TMEM38B: variants seen among roughly 807,000 people sequenced by gnomAD.
The protein encoded by TMEM38B is trimeric intracellular cation channel type B.
A neutral mutation model predicts 28.7 loss-of-function variants in TMEM38B; 24 were observed. The observed-to-expected ratio is 0.84, with a 90% CI of 0.61 to 1.18. TMEM38B has a LOEUF of 1.18. TMEM38B is among the 50% of genes most tolerant of loss of function. The pLI is 0.00. For synonymous variants in TMEM38B, 131 were observed against 127.7 expected (o/e 1.03, Z -0.17); for missense variants, 380 against 350.9 (o/e 1.08, Z -0.66).
intron 5 of TMEM38B, among the ~76,000 whole-genome samples, chr9:105,769,181 A>G (rs991181448): frequency 2.6e-5 from 4 of 152,050 alleles, no homozygotes; most frequent in African/African-American, 9.7e-5. Context: ...TCAACAGACA[A>G]TTCACACAGA....
At chr9:105,730,939 A>G (rs576918085) in intron 4 of TMEM38B, among the ~76,000 whole-genome samples, 2 of 152,040 alleles carry the variant, frequency 1.3e-5, no homozygotes, top group African/African-American at 2.4e-5. Context: ...TATTGCGTCT[A>G]TTTGATTCTT....
intron 2 of TMEM38B, among the ~76,000 whole-genome samples, chr9:105,708,847 T>A (rs1245233325): frequency 7.5e-6 from 1 of 133,026 alleles, no homozygotes; most frequent in Admixed American, 7.7e-5. Flanking sequence ...CAACATGTTA[T>A]CTGTTGATTT....
At chr9:105,714,745 A>ACCTG (rs1242531696) in intron 2 of TMEM38B, among the ~76,000 whole-genome samples, 2 of 152,156 alleles carry the variant, frequency 1.3e-5, no homozygotes, top group Non-Finnish European at 2.9e-5. Context: ...TTTACTTTCT[A>ACCTG]CCTGGTGTTG....
chr9:105,703,914 ATTTG>A (rs1338088390), intron 1 of TMEM38B, among the ~76,000 whole-genome samples: 1 of 152,042 alleles, frequency 6.6e-6, no homozygotes, highest in African/African-American at 2.4e-5. Context: ...TTTCTTGTAA[ATTTG>A]TTTGAGTTCA....
chr9:105,694,687 T>G lies in TMEM38B; in HGVS notation c.27T>G (p.Ala9=). The G allele has an allele frequency of 6.2e-7, 1 of 1,613,988 alleles. No individual in the cohort carries two copies. Among genetic ancestry groups the G allele is most frequent in the Non-Finnish European group, 8.5e-7 (1 of 1,179,884 alleles). The change falls in exon 1 of 6, where the codon GCT becomes GCG. Residue 9 remains alanine, a synonymous_variant. Coordinates refer to ENST00000374692, the MANE Select transcript of TMEM38B (RefSeq NM_018112.3). ...TGGATTCTCCATGGGACGAGTTGGCTCTGGCCTTCTCCCGCACGTCCATGT... is the reference window on the plus strand; with the variant it reads ...TGGATTCTCCATGGGACGAGTTGGCGCTGGCCTTCTCCCGCACGTCCATGT... MDSPWDEL[A]LAFSRTSMFP...
chr9:105,776,557 G>A lies in TMEM38B; in HGVS notation c.*2477G>A, dbSNP rs1417635277. The A allele has an allele frequency of 6.6e-6, 1 of 152,110 alleles. No homozygotes were observed. The highest frequency in any genetic ancestry group is 1.5e-5 in the Non-Finnish European group (1 of 68,012). The allele number at this position is 152,110 out of a possible 1,614,324, so 9.4% of individuals were successfully genotyped here. ...AGTGGAACATCCCATGTTGTAAATG[G>A]AATAATGTGTTCAGAATGCTCTTTC... On this transcript the variant is annotated 3_prime_UTR_variant, in exon 6 of 6. Transcript: ENST00000374692.
At chr9:105,700,433 T>G (rs1835426526) in intron 1 of TMEM38B, among the ~76,000 whole-genome samples, 1 of 152,194 alleles carries the variant, frequency 6.6e-6, no homozygotes, top group Non-Finnish European at 1.5e-5. Flanking sequence ...AGATGAGGAA[T>G]AGTTTTAAGG....
chr9:105,758,279 C>T (rs746788718), intron 5 of TMEM38B: 154 of 686,018 alleles, frequency 2.2e-4, no homozygotes, highest in Middle Eastern at 7.9e-4. Context: ...GGCTCACAGA[C>T]GTTAAATCCT....
At chr9:105,772,733 G>A (rs568916095) in intron 5 of TMEM38B, among the ~76,000 whole-genome samples, 5 of 152,076 alleles carry the variant, frequency 3.3e-5, no homozygotes, top group South Asian at 4.2e-4. Context: ...TTTCAGTGAC[G>A]TTTAGTACTC....
chr9:105,739,678 C>A (rs148330419), intron 4 of TMEM38B, among the ~76,000 whole-genome samples: 342 of 151,960 alleles, frequency 2.3e-3, no homozygotes, highest in African/African-American at 7.9e-3. Flanking sequence ...GCAGGTGCCA[C>A]CACGCCAGTC....
At chr9:105,750,639 A>T (rs1564410262) in intron 5 of TMEM38B, among the ~76,000 whole-genome samples, 1 of 151,786 alleles carries the variant, frequency 6.6e-6, no homozygotes, top group East Asian at 1.9e-4. Context: ...AAAAACACAC[A>T]TTTTTTTTAT....
At chr9:105,758,229 G>A in intron 5 of TMEM38B, 1 of 661,560 alleles carries the variant, frequency 1.5e-6, no homozygotes, top group Non-Finnish European at 2.7e-6. Context: ...CTTCAGGCGG[G>A]CATGTATTAT....
intron 2 of TMEM38B, among the ~76,000 whole-genome samples, chr9:105,713,747 C>T (rs148347329): frequency 6.6e-4 from 101 of 152,304 alleles, no homozygotes; most frequent in African/African-American, 2.0e-3. Flanking sequence ...CCACCAGAGG[C>T]GGAACTCATA....
chr9:105,743,835 A>G (rs1425879178), intron 4 of TMEM38B, among the ~76,000 whole-genome samples: 1 of 152,180 alleles, frequency 6.6e-6, no homozygotes, highest in Non-Finnish European at 1.5e-5. Flanking sequence ...AAGGTTTTTA[A>G]AGACTAATTC....
At chr9:105,734,898 A>G (rs1345111735) in intron 4 of TMEM38B, among the ~76,000 whole-genome samples, 2 of 146,970 alleles carry the variant, frequency 1.4e-5, no homozygotes, top group East Asian at 2.0e-4. Context: ...CAACCATTAT[A>G]TATCTTTTTT....
At position 105,774,080 on chromosome 9, in the gene TMEM38B, A is replaced by G; in HGVS notation, c.876A>G (p.Ter292=). The G allele has an allele frequency of 6.2e-7, 1 of 1,613,068 alleles. No homozygotes were observed. Among genetic ancestry groups the G allele is most frequent in the Non-Finnish European group, 8.5e-7 (1 of 1,179,452 alleles). ...AGAAACATACTAAGAAGAATGAATAAATTTACGTGATGAGCTCTACAAGGC... is the reference window on the plus strand; with the variant it reads ...AGAAACATACTAAGAAGAATGAATAGATTTACGTGATGAGCTCTACAAGGC... ...VKKKHTKKNE[*] The change falls in exon 6 of 6, where the codon TAA becomes TAG. Residue 292 remains the stop codon, a stop_retained_variant. Coordinates refer to ENST00000374692, the MANE Select transcript of TMEM38B (RefSeq NM_018112.3).
At chr9:105,730,090 C>G (rs1186733368) in intron 4 of TMEM38B, among the ~76,000 whole-genome samples, 1 of 151,916 alleles carries the variant, frequency 6.6e-6, no homozygotes, top group African/African-American at 2.4e-5. Flanking sequence ...TCCTTTTTGC[C>G]CTGGCCAGAC....
At chr9:105,737,748 A>T (rs1295971622) in intron 4 of TMEM38B, among the ~76,000 whole-genome samples, 1 of 152,154 alleles carries the variant, frequency 6.6e-6, no homozygotes, top group African/African-American at 2.4e-5. Flanking sequence ...AGACCAGTGC[A>T]CAGGTTCCCT....
intron 1 of TMEM38B, 127 bp from the exon 2 acceptor site, chr9:105,705,470 A>G: frequency 1.1e-6 from 1 of 890,066 alleles, no homozygotes; most frequent in East Asian, 2.6e-5. Flanking sequence ...TGACTGGCAC[A>G]CCTATGAATA....
Sources: gnomAD v4.1 joint callset for allele counts (sites outside exome capture counted in the v4.1 genomes callset) on GRCh38, gnomAD v4.1.1 for gene constraint, MANE v1.5 for transcripts, NCBI Gene and HGNC (gene_info 2026-07-23, HGNC 2026-07-21) for gene names.